GPC6: variants seen among roughly 807,000 people sequenced by gnomAD.
The protein encoded by GPC6 is glypican-6.
GPC6 carries 14 observed loss-of-function variants against 55.2 expected under a neutral mutation model. That is an observed-to-expected ratio of 0.25 (90% CI 0.17 to 0.40). The LOEUF is 0.40. GPC6 is among the 10% of genes least tolerant of loss of function. The pLI is 1.00. For synonymous variants in GPC6, 278 were observed against 259.6 expected, an observed-to-expected ratio of 1.07 and a Z score of -0.68; for missense variants, 641 against 708.5, an observed-to-expected ratio of 0.90 and a Z score of 1.08.
rs538329342 is a variant in GPC6 at position 94,224,178 on chromosome 13, C to T, written c.878-62171C>T. Among the ~76,000 whole-genome samples the T allele has an allele frequency of 4.5e-4, 68 of 151,040 alleles. No homozygotes were observed. The South Asian group carries it at 4.8e-3, about 11-fold the overall frequency. On this transcript the variant is annotated intron_variant, in intron 4 of 8. Coordinates refer to ENST00000377047, the MANE Select transcript of GPC6 (RefSeq NM_005708.5). ...GTGTTAGATAAGCTTTGTTCAGGCA[C>T]GAGTTATAGTGCTGTTGACTGAGTT...
chr13:93,775,892 A>C (rs1885449456), intron 2 of GPC6, among the ~76,000 whole-genome samples: 2 of 152,166 alleles, frequency 1.3e-5, no homozygotes, highest in Non-Finnish European at 2.9e-5. Flanking sequence ...AAGTCACAAA[A>C]TTCTGCAGCA....
intron 1 of GPC6, among the ~76,000 whole-genome samples, chr13:93,248,288 G>A (rs1236892619): frequency 6.6e-6 from 1 of 151,520 alleles, no homozygotes; most frequent in African/African-American, 2.4e-5. Flanking sequence ...TTAAAAATGA[G>A]TTTTAACCTT....
intron 1 of GPC6, among the ~76,000 whole-genome samples, chr13:93,368,337 T>TTTCCTTCC (rs768601581): frequency 0.018 from 1,622 of 92,522 alleles, 47 homozygotes; most frequent in African/African-American, 0.047. Context: ...CCCTCCCTGC[T>TTTCCTTCC]TTCCTTCCTT....
At chr13:93,799,954 C>T (rs747185444) in intron 2 of GPC6, among the ~76,000 whole-genome samples, 1 of 152,110 alleles carries the variant, frequency 6.6e-6, no homozygotes, top group South Asian at 2.1e-4. Context: ...TGGACAGTAG[C>T]CTGGGTTGTG....
chr13:93,756,357 C>T (rs867024805), intron 2 of GPC6, among the ~76,000 whole-genome samples: 21 of 152,054 alleles, frequency 1.4e-4, no homozygotes, highest in South Asian at 1.2e-3. Flanking sequence ...AGAGTACCAC[C>T]CTGGTTGAAA....
intron 4 of GPC6, among the ~76,000 whole-genome samples, chr13:94,140,430 T>TA (rs1173372026): frequency 1.3e-5 from 2 of 152,214 alleles, no homozygotes; most frequent in Non-Finnish European, 2.9e-5. Flanking sequence ...GAACCAGTAG[T>TA]AAATTGTTAG....
At chr13:94,351,872 G>T (rs1878557904) in intron 6 of GPC6, among the ~76,000 whole-genome samples, 1 of 150,322 alleles carries the variant, frequency 6.7e-6, no homozygotes, top group Middle Eastern at 3.4e-3. Context: ...ATGACTTCAA[G>T]GAGGCAAGGG....
At chr13:93,510,987 G>GTATA (rs146967404) in intron 1 of GPC6, among the ~76,000 whole-genome samples, 1,684 of 19,634 alleles carry the variant, frequency 0.086, 414 homozygotes, top group Middle Eastern at 0.36. Flanking sequence ...ATATATATGT[G>GTATA]TATATATATA....
chr13:93,386,025 C>T (rs781548652), intron 1 of GPC6, among the ~76,000 whole-genome samples: 2 of 150,940 alleles, frequency 1.3e-5, no homozygotes, highest in Non-Finnish European at 2.9e-5. Context: ...TACTGCTGTT[C>T]CTCAGTCCCT....
chr13:94,252,974 C>G (rs1177358934), intron 4 of GPC6, among the ~76,000 whole-genome samples: 1 of 146,264 alleles, frequency 6.8e-6, no homozygotes, highest in Non-Finnish European at 1.5e-5. Context: ...AAAAAAAAAG[C>G]AGTTTTCTGA....
At chr13:94,350,100 TGCA>T (rs1878471048) in intron 6 of GPC6, among the ~76,000 whole-genome samples, 1 of 151,750 alleles carries the variant, frequency 6.6e-6, no homozygotes. Flanking sequence ...TGTTTATGTG[TGCA>T]GTGTGTGTGT....
intron 2 of GPC6, among the ~76,000 whole-genome samples, chr13:93,685,389 A>G (rs1472788627): frequency 6.6e-6 from 1 of 152,188 alleles, no homozygotes; most frequent in Non-Finnish European, 1.5e-5. Context: ...TAGTAGTTCC[A>G]AATGATCAAG....
At chr13:93,352,220 T>C (rs889729494) in intron 1 of GPC6, among the ~76,000 whole-genome samples, 2 of 152,206 alleles carry the variant, frequency 1.3e-5, no homozygotes, top group Non-Finnish European at 2.9e-5. Flanking sequence ...TTAAAATAGC[T>C]AATTTTATGG....
chr13:93,350,533 AT>A (rs1427848432), intron 1 of GPC6, among the ~76,000 whole-genome samples: 1 of 152,206 alleles, frequency 6.6e-6, no homozygotes, highest in Non-Finnish European at 1.5e-5. Context: ...GCACATAGTA[AT>A]TTGCTTGGAC....
intron 1 of GPC6, among the ~76,000 whole-genome samples, chr13:93,494,760 T>G (rs1880185812): frequency 6.6e-6 from 1 of 150,514 alleles, no homozygotes. Context: ...GTGTAAAGTA[T>G]TTTATTTCTC....
chr13:93,899,076 T>G (rs1031284587), intron 3 of GPC6, among the ~76,000 whole-genome samples: 7 of 151,616 alleles, frequency 4.6e-5, no homozygotes, highest in African/African-American at 1.2e-4. Context: ...AAAATGTGCT[T>G]TAATGACTTA....
rs138013661 is a variant in GPC6 at position 93,347,183 on chromosome 13, A to G, written c.160+119567A>G. 7.2e-3 allele frequency among the ~76,000 whole-genome samples: 1,101 copies of G among 152,302 alleles called. 14 individuals are homozygous for G. The highest frequency in any genetic ancestry group is 0.025 in the African/African-American group (1,048 of 41,566). ...TTTTATAGAAGTATGTATGAACAAA[A>G]TAAATTCTTTAATAGTGAACTAACT... is the stretch of plus-strand genomic sequence containing the variant. On this transcript the variant is annotated intron_variant, in intron 1 of 8. Transcript: ENST00000377047.
At chr13:93,330,759 C>G (rs1284102186) in intron 1 of GPC6, among the ~76,000 whole-genome samples, 2 of 152,168 alleles carry the variant, frequency 1.3e-5, no homozygotes, top group Non-Finnish European at 2.9e-5. Context: ...AATTCTCTTG[C>G]ATCTTTCATT....
At chr13:93,897,302 A>G (rs1173469267) in intron 3 of GPC6, among the ~76,000 whole-genome samples, 1 of 152,040 alleles carries the variant, frequency 6.6e-6, no homozygotes, top group Non-Finnish European at 1.5e-5. Flanking sequence ...ATACATTTCA[A>G]AATAGTTAGG....
Sources: gnomAD v4.1 joint callset for allele counts (sites outside exome capture counted in the v4.1 genomes callset) on GRCh38, gnomAD v4.1.1 for gene constraint, MANE v1.5 for transcripts, NCBI Gene and HGNC (gene_info 2026-07-23, HGNC 2026-07-21) for gene names.